The following APC variants were observed in gnomAD, a reference collection of about 807,000 sequenced individuals.
APC encodes the protein APC regulator of Wnt signaling pathway.
Under a neutral mutation model 247.0 loss-of-function variants are expected in APC, and 72 were observed. The observed-to-expected ratio is 0.29, with a 90% CI of 0.24 to 0.35. The LOEUF (loss-of-function observed/expected upper bound fraction) is 0.35, where lower values mean the gene tolerates loss of function less well. Ranked by LOEUF, APC falls within the 10% of genes least tolerant of loss-of-function variation. APC has a pLI of 1.00. For synonymous variants in APC, 1,254 were observed against 1,162.5 expected (o/e 1.08, Z -1.60); for missense variants, 3,400 against 3,360.7 (o/e 1.01, Z -0.29).
At chr5:112,766,739 A>C (rs1475018472) in intron 3 of APC, among the ~76,000 whole-genome samples, 1 of 152,184 alleles carries the variant, frequency 6.6e-6, no homozygotes, top group African/African-American at 2.4e-5. Flanking sequence ...ACTTGAGCCT[A>C]CTGTTTCATT....
intron 13 of APC, among the ~76,000 whole-genome samples, chr5:112,828,470 A>C (rs937556195): frequency 2.0e-5 from 3 of 151,770 alleles, no homozygotes; most frequent in African/African-American, 4.8e-5. Flanking sequence ...AAAAAAAAAA[A>C]AAAACAGGAT....
chr5:112,818,469 G>A (rs1019705145), intron 9 of APC, among the ~76,000 whole-genome samples: 1 of 151,918 alleles, frequency 6.6e-6, no homozygotes, highest in Non-Finnish European at 1.5e-5. Flanking sequence ...ATCATCTGAC[G>A]AGAATTAATG....
chr5:112,731,202 A>C (rs1004156236), intron 1 of APC, among the ~76,000 whole-genome samples: 1 of 152,090 alleles, frequency 6.6e-6, no homozygotes, highest in Admixed American at 6.6e-5. Flanking sequence ...CCAAATTACA[A>C]ATCTTTGTAG....
chr5:112,796,757 T>C (rs1760249841), intron 7 of APC, among the ~76,000 whole-genome samples: 1 of 152,130 alleles, frequency 6.6e-6, no homozygotes, highest in South Asian at 2.1e-4. Flanking sequence ...TGTTTTGGTC[T>C]ATTTTTTAAA....
intron 1 of APC, among the ~76,000 whole-genome samples, chr5:112,740,888 C>A (rs1752937382): frequency 1.3e-5 from 2 of 152,070 alleles, no homozygotes; most frequent in African/African-American, 4.8e-5. Context: ...AACTGTTACT[C>A]ATTTTATGAA....
At chr5:112,815,098 G>C (rs1195326538) in intron 8 of APC, among the ~76,000 whole-genome samples, 1 of 152,156 alleles carries the variant, frequency 6.6e-6, no homozygotes, top group Non-Finnish European at 1.5e-5. Context: ...AGAGAACTTG[G>C]ACTGTAGCAA....
chr5:112,818,841 TTTTGGCGGGGGGGGTTG>T, intron 9 of APC, 108 bp from the exon 10 acceptor site: 1 of 900,698 alleles, frequency 1.1e-6, no homozygotes, highest in Admixed American at 2.8e-5. Context: ...TTTGTTTTTT[TTTTGGCGGGGGGGGTTG>T]TTTTGTTTTT....
Position 112,840,621 on chromosome 5 carries a change from G to C in APC, c.5027G>C (p.Arg1676Thr), listed in dbSNP as rs143674116. The C allele has an allele frequency of 5.5e-5, 89 of 1,613,930 alleles. No individual in the cohort carries two copies. The African/African-American group carries it at 1.2e-3, about 22-fold the overall frequency. ...GAGTTAGCTGCTGGAGAAGGAGTTA[G>C]AGGAGGGGCACAGTCAGGTGAATTT... The part of the protein sequence containing the change: ...PNELAAGEGV[R>T]GGAQSGEFEK... Residue 1676 changes from arginine (R) to threonine (T), a missense_variant, in exon 16 of 16, where the codon AGA becomes ACA. Around this residue, in one of 9 missense-constraint regions of APC, gnomAD observed 1,788 missense variants for 1,649.5 expected, o/e 1.08. Coordinates refer to ENST00000257430, the MANE Select transcript of APC (RefSeq NM_000038.6). The surrounding 1 kb of genome is among the most constrained non-coding windows in gnomAD (Gnocchi z 4.1).
intron 8 of APC, among the ~76,000 whole-genome samples, chr5:112,805,681 G>T (rs1761307672): frequency 6.6e-6 from 1 of 152,108 alleles, no homozygotes; most frequent in African/African-American, 2.4e-5. Context: ...GCCTCTTGGG[G>T]TTTATTAGTT....
chr5:112,815,956 C>A (rs1031175863), intron 9 of APC, among the ~76,000 whole-genome samples: 4 of 152,158 alleles, frequency 2.6e-5, no homozygotes, highest in Admixed American at 6.5e-5. Flanking sequence ...TTTTATACAA[C>A]GAAGCATAAA....
intron 4 of APC, among the ~76,000 whole-genome samples, chr5:112,771,541 G>A (rs1580345220): frequency 6.6e-6 from 1 of 152,096 alleles, no homozygotes; most frequent in Admixed American, 6.6e-5. Flanking sequence ...GATAGTTCAG[G>A]TAGGTTTAGG....
chr5:112,756,142 T>C (rs367748758), intron 2 of APC, among the ~76,000 whole-genome samples: 33 of 152,346 alleles, frequency 2.2e-4, no homozygotes, highest in African/African-American at 6.7e-4. Flanking sequence ...TTCTCCAGAC[T>C]TTTGTGTGTC....
rs1305794169 is a variant in APC at position 112,775,643 on chromosome 5, C to G, written c.437C>G (p.Ala146Gly). The G allele has an allele frequency of 6.2e-7, 1 of 1,600,350 alleles. No individual in the cohort carries two copies. The highest frequency in any genetic ancestry group is 1.1e-5 in the South Asian group (1 of 88,270). Residue 146 changes from alanine (A) to glycine (G), a missense_variant, in exon 5 of 16, where the codon GCT (alanine) becomes GGT (glycine). Ala to Gly is a moderately conservative substitution (Grantham distance 60). Around this residue, in one of 9 missense-constraint regions of APC, gnomAD observed 372 missense variants for 367.6 expected, o/e 1.01. Coordinates refer to ENST00000257430, the MANE Select transcript of APC (RefSeq NM_000038.6). ...ELEKERSLLL[A>G]DLDKEEKEKD... ...AAAAAAAATAGGTCATTGCTTCTTG[C>G]TGATCTTGACAAAGAAGAAAAGGAA...
In APC at chr5:112,845,796, C is replaced by CT; in HGVS notation, c.*1671dup. The CT allele has an allele frequency of 4.3e-6, 1 of 232,068 alleles. No homozygotes were observed. The highest frequency in any genetic ancestry group is 8.5e-6 in the Non-Finnish European group (1 of 117,392). The allele number at this position is 232,068 out of a possible 1,614,324, so 14.4% of individuals were successfully genotyped here. A position where few individuals can be genotyped will look rare whatever the true frequency, so the allele number is the denominator to read the frequency against. ...TTTGTTTTAAAAGATCAGAGGGTGA[C>CT]TGATGATACATGCATACATATTTGT... On this transcript the variant is annotated 3_prime_UTR_variant, in exon 16 of 16. Coordinates refer to ENST00000257430, the MANE Select transcript of APC (RefSeq NM_000038.6).
intron 1 of APC, among the ~76,000 whole-genome samples, chr5:112,715,534 C>T (rs1397477776): frequency 6.6e-6 from 1 of 152,008 alleles, no homozygotes; most frequent in Non-Finnish European, 1.5e-5. Context: ...AATGAGGTGC[C>T]CATCATTTTT....
chr5:112,799,611 A>G (rs961781279), intron 7 of APC, among the ~76,000 whole-genome samples: 2 of 152,196 alleles, frequency 1.3e-5, no homozygotes, highest in Non-Finnish European at 2.9e-5. Context: ...TTGCAACTTT[A>G]TCCATTAATA....
At chr5:112,795,023 T>G (rs1399509853) in intron 7 of APC, among the ~76,000 whole-genome samples, 1 of 152,094 alleles carries the variant, frequency 6.6e-6, no homozygotes, top group African/African-American at 2.4e-5. Flanking sequence ...AGCACTTCAT[T>G]GTTTTGTTTT....
At chr5:112,714,100 G>C (rs1751022832) in intron 1 of APC, among the ~76,000 whole-genome samples, 1 of 152,230 alleles carries the variant, frequency 6.6e-6, no homozygotes, top group Admixed American at 6.5e-5. Context: ...ATCTGTTGGA[G>C]CTACTGCAAG....
chr5:112,839,807 G>A lies in APC; in HGVS notation c.4213G>A (p.Val1405Ile), dbSNP rs761966904. 1.2e-5 allele frequency: 19 copies of A among 1,614,004 alleles called. No homozygotes were observed. Among genetic ancestry groups the A allele is most frequent in the South Asian group, 3.3e-5 (3 of 91,072 alleles). Reference protein sequence around the residue: ...SFESRSIASSVQSEPCSGMVS... With the variant: ...SFESRSIASSIQSEPCSGMVS... Reference sequence around the variant, plus strand: ...TGAGAGTCGTTCGATTGCCAGCTCCGTTCAGAGTGAACCATGCAGTGGAAT... The same window carrying A: ...TGAGAGTCGTTCGATTGCCAGCTCCATTCAGAGTGAACCATGCAGTGGAAT... The change falls in exon 16 of 16, where the codon GTT becomes ATT. Residue 1405 changes from valine (V) to isoleucine (I), a missense_variant. Val to Ile is a conservative substitution (Grantham distance 29, BLOSUM62 3). Around this residue, in one of 9 missense-constraint regions of APC, gnomAD observed 40 missense variants for 75.6 expected, o/e 0.53. Transcript: ENST00000257430. The surrounding 1 kb of genome is among the most constrained non-coding windows in gnomAD (Gnocchi z 5.0).
Sources: gnomAD v4.1 joint callset for allele counts (sites outside exome capture counted in the v4.1 genomes callset) on GRCh38, gnomAD v4.1.1 for gene constraint, gnomAD v4.1.1 regional missense constraint, Gnocchi (gnomAD v3.1) non-coding constraint, MANE v1.5 for transcripts, NCBI Gene and HGNC (gene_info 2026-07-23, HGNC 2026-07-21) for gene names.